TMEM94: variants seen among roughly 807,000 people sequenced by gnomAD.
TMEM94 encodes ER Mg2+ ATPase.
A neutral mutation model predicts 158.6 loss-of-function variants in TMEM94; 81 were observed. That is an observed-to-expected ratio of 0.51 (90% CI 0.43 to 0.61). TMEM94 has a LOEUF of 0.61. Among genes scored for constraint, TMEM94 ranks in the 20% least tolerant of loss-of-function variants. The pLI, the probability that TMEM94 is intolerant of heterozygous loss-of-function variation, is 0.00. For missense variants in TMEM94, 1,435 were observed against 1,762.0 expected (o/e 0.81, Z 3.32); for synonymous variants, 751 against 730.7 (o/e 1.03, Z -0.45).
Position 75,495,457 on chromosome 17 carries a change from G to C in TMEM94, c.2844+58G>C. 1 of 1,591,036 alleles carries C rather than the reference G, an allele frequency of 6.3e-7. No individual in the cohort carries two copies. The highest frequency in any genetic ancestry group is 8.6e-7 in the Non-Finnish European group (1 of 1,160,038). On this transcript the variant is annotated intron_variant, in intron 21 of 31. Coordinates refer to ENST00000314256, the MANE Select transcript of TMEM94 (RefSeq NM_014738.6). This position sits in a 1 kb window ranked among gnomAD's most constrained non-coding sequence, Gnocchi z 5.6. ...GTAGTGGTCCCATAGCTGGTCCAGG[G>C]GAGAGGTAGAGAGGTGGTGGGCAGG... is the stretch of plus-strand genomic sequence containing the variant.
At chr17:75,469,501 C>T (rs926769632) in intron 1 of TMEM94, among the ~76,000 whole-genome samples, 31 of 151,634 alleles carry the variant, frequency 2.0e-4, no homozygotes, top group Admixed American at 1.3e-3. Context: ...CCCACCACCA[C>T]GCCTGGCTAA....
chr17:75,469,101 T>C (rs2050406395), intron 1 of TMEM94, among the ~76,000 whole-genome samples: 1 of 152,100 alleles, frequency 6.6e-6, no homozygotes, highest in African/African-American at 2.4e-5. Context: ...GTTGTCAGAT[T>C]GGGCTGCCCA....
rs1412308147 is a variant in TMEM94, at chr17:75,493,037, G to T, written c.2021G>T (p.Cys674Phe). Residue 674 changes from cysteine (C) to phenylalanine (F), a missense_variant, in exon 16 of 32, where the codon TGT becomes TTT. By Grantham distance (205) the Cys-to-Phe change is radical. Coordinates refer to ENST00000314256, the MANE Select transcript of TMEM94 (RefSeq NM_014738.6). ...GAGACATCGCTGGGGCGGCTCTCCT[G>T]TGTCACCAAGCGGCGGCCTCCCCTC... Reference protein sequence around the residue: ...MKETSLGRLSCVTKRRPPLSH... With the variant: ...MKETSLGRLSFVTKRRPPLSH... 3 of 1,613,674 alleles carry T rather than the reference G, an allele frequency of 1.9e-6. No homozygotes were observed. The highest frequency in any genetic ancestry group is 3.3e-4 in the Middle Eastern group (2 of 6,062).
chr17:75,495,480 A>T lies in TMEM94; in HGVS notation c.2845-64A>T, dbSNP rs2052592110. On this transcript the variant is annotated intron_variant, in intron 21 of 31. Transcript: ENST00000314256. The surrounding 1 kb of genome is among the most constrained non-coding windows in gnomAD (Gnocchi z 5.6). ...GGGGAGAGGTAGAGAGGTGGTGGGC[A>T]GGCGGTGGAGGGGAGGGATGCTGAT... 6.3e-7 allele frequency: 1 copy of T among 1,591,244 alleles called. No individual in the cohort carries two copies. Among genetic ancestry groups the T allele is most frequent in the South Asian group, 1.1e-5 (1 of 90,358 alleles).
In TMEM94 at chr17:75,485,646, AGT is replaced by A; in HGVS notation, c.144+103_144+104del. Reference sequence around the variant, plus strand: ...TCTGATGTACCCTGTCACCCTGGACAGTGTGACCCAACTGAGGCCTCATGAAA... The same window carrying A: ...TCTGATGTACCCTGTCACCCTGGACAGTGACCCAACTGAGGCCTCATGAAA... On this transcript the variant is annotated intron_variant, in intron 3 of 31. Coordinates refer to ENST00000314256, the MANE Select transcript of TMEM94 (RefSeq NM_014738.6). This position sits in a 1 kb window ranked among gnomAD's most constrained non-coding sequence, Gnocchi z 5.5. 1.3e-6 allele frequency: 2 copies of A among 1,525,022 alleles called. No homozygotes were observed. The highest frequency in any genetic ancestry group is 1.8e-6 in the Non-Finnish European group (2 of 1,111,760). The allele number at this position is 1,525,022 out of a possible 1,614,324, so 94.5% of individuals were successfully genotyped here.
In TMEM94 at chr17:75,491,017, A is replaced by G. The variant is rs948347859; in HGVS notation, c.1129-32A>G. The G allele has an allele frequency of 1.3e-6, 2 of 1,534,344 alleles. No homozygotes were observed. Among genetic ancestry groups the G allele is most frequent in the African/African-American group, 2.7e-5 (2 of 72,978 alleles). On this transcript the variant is annotated intron_variant, in intron 11 of 31. Coordinates refer to ENST00000314256, the MANE Select transcript of TMEM94 (RefSeq NM_014738.6). The surrounding 1 kb of genome is among the most constrained non-coding windows in gnomAD (Gnocchi z 5.1). ...TCCAGGGAAATGAGGCTGAGCCCTAAATGGCCTTGCAGACTTCCTCTCTCC... is the reference window on the plus strand; with the variant it reads ...TCCAGGGAAATGAGGCTGAGCCCTAGATGGCCTTGCAGACTTCCTCTCTCC...
chr17:75,476,606 T>G, intron 2 of TMEM94: 1 of 1,519,898 alleles, frequency 6.6e-7, no homozygotes, highest in Non-Finnish European at 8.8e-7. Flanking sequence ...TCCTCTTCTC[T>G]CTCTCTCTCT....
Position 75,495,613 on chromosome 17 carries a change from G to T in TMEM94, c.2914G>T (p.Val972Leu), listed in dbSNP as rs1266380742. 1 of 1,613,462 alleles carries T rather than the reference G, an allele frequency of 6.2e-7. No individual in the cohort carries two copies. The highest frequency in any genetic ancestry group is 1.3e-5 in the African/African-American group (1 of 74,934). The change falls in exon 22 of 32, where the codon GTG (valine) becomes TTG (leucine). Residue 972 changes from valine to leucine, a missense_variant. Physicochemically the swap from Val to Leu is conservative, Grantham distance 32. This residue lies in a region of TMEM94 where 49 missense variants were observed against 98.5 expected (regional missense o/e 0.50). Transcript: ENST00000314256. The surrounding 1 kb of genome is among the most constrained non-coding windows in gnomAD (Gnocchi z 5.6). The part of the protein sequence containing the change: ...LQNIDNVPLL[V>L]PLFTDCTPET... The stretch of plus-strand genomic sequence containing the variant: ...GAACATTGACAACGTGCCCCTGCTA[G>T]TGCCCCTTTTCACCGACTGCACCCC...
chr17:75,470,599 G>A (rs1301141647), intron 1 of TMEM94, among the ~76,000 whole-genome samples: 4 of 152,084 alleles, frequency 2.6e-5, no homozygotes, highest in Admixed American at 2.6e-4. Context: ...CAGCTACACA[G>A]GAGGCTGAGG....
intron 2 of TMEM94, among the ~76,000 whole-genome samples, chr17:75,475,350 CCTT>C (rs1014680700): frequency 7.2e-5 from 11 of 152,200 alleles, no homozygotes; most frequent in Admixed American, 5.2e-4. Context: ...TGCTGAGGCT[CCTT>C]CTTCCCTGCA....
At position 75,488,909 on chromosome 17, in the gene TMEM94, A is replaced by G. The variant is rs1179463821; in HGVS notation, c.763A>G (p.Arg255Gly). The G allele has an allele frequency of 1.3e-6, 2 of 1,569,102 alleles. No individual in the cohort carries two copies. Among genetic ancestry groups the G allele is most frequent in the Non-Finnish European group, 1.7e-6 (2 of 1,155,272 alleles). ...VLETPVIDNI[R>G]WCLDMALSRP... ...TGAGACCCCTGTGATTGACAACATC[A>G]GGTAGGGGTGCTGCCCCGCCTCCTC... The change falls in exon 7 of 32, where the codon AGA becomes GGA. Residue 255 changes from arginine to glycine, a missense_variant and splice_region_variant. Arg to Gly is a moderately radical substitution (Grantham distance 125). Around this residue, in one of 3 missense-constraint regions of TMEM94, gnomAD observed 1,051 missense variants for 1,254.4 expected, o/e 0.84. Transcript: ENST00000314256.
intron 2 of TMEM94, among the ~76,000 whole-genome samples, chr17:75,482,082 C>A (rs972044303): frequency 6.6e-6 from 1 of 152,014 alleles, no homozygotes; most frequent in Non-Finnish European, 1.5e-5. Flanking sequence ...GTGGCTCAGG[C>A]CTATAATCCT....
intron 1 of TMEM94, among the ~76,000 whole-genome samples, chr17:75,461,705 C>T (rs1354616640): frequency 1.3e-5 from 2 of 151,564 alleles, no homozygotes; most frequent in Admixed American, 6.6e-5. Context: ...GGGCGGATCA[C>T]GAAGTCAGGA....
At chr17:75,479,121 A>T (rs915205977) in intron 2 of TMEM94, among the ~76,000 whole-genome samples, 1 of 152,090 alleles carries the variant, frequency 6.6e-6, no homozygotes, top group African/African-American at 2.4e-5. Flanking sequence ...CTTCCTTCAG[A>T]AAGTATGAAG....
chr17:75,488,008 C>T lies in TMEM94; in HGVS notation c.486C>T (p.Ser162=). ...YPDLHMPFAP[S]WSLHWAYRDG... ...ACCTCCACATGCCTTTTGCGCCATCCTGGTCCTTGCACTGGGCCTACAGAG... is the reference window on the plus strand; with the variant it reads ...ACCTCCACATGCCTTTTGCGCCATCTTGGTCCTTGCACTGGGCCTACAGAG... Residue 162 remains serine, a synonymous_variant, in exon 6 of 32, where the codon TCC becomes TCT. Coordinates refer to ENST00000314256, the MANE Select transcript of TMEM94 (RefSeq NM_014738.6). 1 of 1,614,218 alleles carries T rather than the reference C, an allele frequency of 6.2e-7. No homozygotes were observed. Among genetic ancestry groups the T allele is most frequent in the Non-Finnish European group, 8.5e-7 (1 of 1,180,048 alleles).
chr17:75,477,792 C>T (rs1283774540), intron 2 of TMEM94, among the ~76,000 whole-genome samples: 2 of 151,268 alleles, frequency 1.3e-5, no homozygotes, highest in African/African-American at 4.8e-5. Context: ...GAGCAGATCA[C>T]GAGGTCAGGA....
At chr17:75,484,875 A>G (rs1361112509) in intron 2 of TMEM94, among the ~76,000 whole-genome samples, 1 of 151,988 alleles carries the variant, frequency 6.6e-6, no homozygotes, top group African/African-American at 2.4e-5. Context: ...CGTCTCCACT[A>G]AAAGTACAAA....
chr17:75,486,938 G>A (rs2051676336), intron 5 of TMEM94, among the ~76,000 whole-genome samples: 1 of 152,162 alleles, frequency 6.6e-6, no homozygotes, highest in Admixed American at 6.5e-5. Flanking sequence ...GCTGCGGATT[G>A]AGGGTTGTTG....
intron 2 of TMEM94, among the ~76,000 whole-genome samples, chr17:75,472,216 G>C (rs550429919): frequency 2.6e-5 from 4 of 152,348 alleles, no homozygotes; most frequent in African/African-American, 9.6e-5. Flanking sequence ...TTGCCCAGGG[G>C]TGTGCAATTT....
Sources: gnomAD v4.1 joint callset for allele counts (sites outside exome capture counted in the v4.1 genomes callset) on GRCh38, gnomAD v4.1.1 for gene constraint, gnomAD v4.1.1 regional missense constraint, Gnocchi (gnomAD v3.1) non-coding constraint, MANE v1.5 for transcripts, NCBI Gene and HGNC (gene_info 2026-07-23, HGNC 2026-07-21) for gene names.